Variants in USP25 observed in about 807,000 individuals in gnomAD.
USP25 encodes ubiquitin carboxyl-terminal hydrolase 25.
A neutral mutation model predicts 158.5 loss-of-function variants in USP25; 85 were observed. The observed-to-expected ratio is 0.54, with a 90% CI of 0.45 to 0.64. The LOEUF is 0.64. Among genes scored for constraint, USP25 ranks in the 30% least tolerant of loss-of-function variants. The probability of loss-of-function intolerance (pLI) is 0.00; values close to 1 mark genes in which losing one functional copy is unlikely to be tolerated. For missense variants in USP25, 1,242 were observed against 1,327.3 expected, an observed-to-expected ratio of 0.94 and a Z score of 1.00; for synonymous variants, 464 against 460.4, an observed-to-expected ratio of 1.01 and a Z score of -0.10.
chr21:15,775,866 T>G (rs780723034), intron 3 of USP25, among the ~76,000 whole-genome samples: 2 of 146,526 alleles, frequency 1.4e-5, no homozygotes, highest in African/African-American at 2.7e-5. Context: ...AGTTTTTCTG[T>G]TTTTTTTTAT....
intron 5 of USP25, among the ~76,000 whole-genome samples, chr21:15,794,118 G>T (rs1005036080): frequency 6.6e-6 from 1 of 151,530 alleles, no homozygotes; most frequent in Non-Finnish European, 1.5e-5. Context: ...TGAAACATCT[G>T]GGAATTCTTT....
intron 3 of USP25, among the ~76,000 whole-genome samples, chr21:15,772,573 C>T (rs895745349): frequency 6.6e-6 from 1 of 152,118 alleles, no homozygotes; most frequent in African/African-American, 2.4e-5. Context: ...TTTACAAAGG[C>T]TAATTTTCTG....
intron 24 of USP25, among the ~76,000 whole-genome samples, chr21:15,874,980 C>T (rs185861607): frequency 5.9e-5 from 9 of 152,218 alleles, no homozygotes; most frequent in Admixed American, 3.3e-4. Flanking sequence ...TCCTGGCCAA[C>T]GTGGTGAAAC....
At chr21:15,818,598 G>GT in intron 9 of USP25, 100 bp from the exon 10 acceptor site, 1 of 996,400 alleles carries the variant, frequency 1.0e-6, no homozygotes, top group Non-Finnish European at 1.5e-6. Context: ...AAATCAGTCA[G>GT]TGTTACAATT....
intron 20 of USP25, among the ~76,000 whole-genome samples, chr21:15,858,167 A>G (rs1196026077): frequency 6.6e-6 from 1 of 152,090 alleles, no homozygotes; most frequent in Non-Finnish European, 1.5e-5. Flanking sequence ...ATAAACAGGA[A>G]GTTTGGCAAG....
At chr21:15,866,937 C>T (rs1421112871) in intron 22 of USP25, among the ~76,000 whole-genome samples, 2 of 152,140 alleles carry the variant, frequency 1.3e-5, no homozygotes, top group Non-Finnish European at 2.9e-5. Context: ...CACTGTGCAA[C>T]TGTACCCTGT....
chr21:15,836,487 C>T (rs1444315941), intron 17 of USP25, among the ~76,000 whole-genome samples: 1 of 152,014 alleles, frequency 6.6e-6, no homozygotes, highest in Non-Finnish European at 1.5e-5. Flanking sequence ...AGATTTTCAG[C>T]CAGCCATTCT....
At chr21:15,750,181 C>CATGT (rs1196209119) in intron 1 of USP25, among the ~76,000 whole-genome samples, 15 of 126,942 alleles carry the variant, frequency 1.2e-4, no homozygotes, top group African/African-American at 4.5e-4. Context: ...TCTCCAGTGC[C>CATGT]GTGTGTGTGT....
intron 5 of USP25, among the ~76,000 whole-genome samples, chr21:15,796,190 A>G (rs1017001011): frequency 2.0e-5 from 3 of 151,538 alleles, no homozygotes; most frequent in African/African-American, 4.8e-5. Flanking sequence ...GAAGGAATAC[A>G]TTGGACAGTC....
chr21:15,857,690 A>G (rs2039222242), intron 20 of USP25, among the ~76,000 whole-genome samples: 1 of 152,014 alleles, frequency 6.6e-6, no homozygotes, highest in African/African-American at 2.4e-5. Context: ...TTTTAAATTT[A>G]TTTTTTGTGT....
chr21:15,782,196 G>A (rs2035004803), intron 4 of USP25, among the ~76,000 whole-genome samples: 2 of 152,178 alleles, frequency 1.3e-5, no homozygotes, highest in East Asian at 1.9e-4. Context: ...TCTGTCCCTG[G>A]CTCTAGCTGG....
At chr21:15,761,623 C>T (rs922363957) in intron 1 of USP25, among the ~76,000 whole-genome samples, 1 of 152,178 alleles carries the variant, frequency 6.6e-6, no homozygotes, top group Non-Finnish European at 1.5e-5. Flanking sequence ...TCAGTAAACA[C>T]ACTGTGCGTG....
chr21:15,798,119 T>C (rs2035951095), intron 5 of USP25, among the ~76,000 whole-genome samples: 1 of 151,308 alleles, frequency 6.6e-6, no homozygotes, highest in Non-Finnish European at 1.5e-5. Context: ...CTGTTCTTCC[T>C]CTACCACTCC....
At chr21:15,737,974 T>C (rs151313836) in intron 1 of USP25, among the ~76,000 whole-genome samples, 364 of 152,258 alleles carry the variant, frequency 2.4e-3, no homozygotes, top group African/African-American at 8.3e-3. Context: ...TCAGAAAATA[T>C]GGAGTTTTCA....
intron 21 of USP25, among the ~76,000 whole-genome samples, chr21:15,865,042 A>G (rs2039597799): frequency 6.6e-6 from 1 of 152,182 alleles, no homozygotes; most frequent in South Asian, 2.1e-4. Context: ...GGAAAGAGAA[A>G]ATATTCTATA....
At chr21:15,850,177 G>T (rs892402185) in intron 20 of USP25, among the ~76,000 whole-genome samples, 4 of 151,986 alleles carry the variant, frequency 2.6e-5, no homozygotes, top group African/African-American at 7.2e-5. Flanking sequence ...GGACATTAAT[G>T]AACAATAATA....
rs533169589 is a variant in USP25 at position 15,813,575 on chromosome 21, C to T, written c.931+2365C>T. 3.9e-5 allele frequency among the ~76,000 whole-genome samples: 6 copies of T among 152,288 alleles called. No homozygotes were observed. The East Asian group carries it at 1.2e-3, about 29-fold the overall frequency. On this transcript the variant is annotated intron_variant, in intron 9 of 25. Coordinates refer to ENST00000400183, the MANE Select transcript of USP25 (RefSeq NM_001283041.3). ...AGAATTCCCTCCCTTCATGCTTTTA[C>T]TCAGACCTTACTTCATTCGTTTTTT...
At position 15,824,146 on chromosome 21, in the gene USP25, C is replaced by T; in HGVS notation, c.1188C>T (p.Pro396=). 2 of 1,612,784 alleles carry T rather than the reference C, an allele frequency of 1.2e-6. No individual in the cohort carries two copies. Among genetic ancestry groups the T allele is most frequent in the South Asian group, 1.1e-5 (1 of 91,020 alleles). ...AAATTCACAACAAATTAGAATTTCC[C>T]CAAGTTTTATATTTGGACAGGTATG... ...PEKIHNKLEF[P]QVLYLDRYMH... Residue 396 remains proline, a synonymous_variant, in exon 11 of 26, where the codon CCC becomes CCT. Transcript: ENST00000400183.
At position 15,808,704 on chromosome 21, in the gene USP25, T is replaced by C. The variant is rs1388440002; in HGVS notation, c.781-105T>C. The C allele has an allele frequency of 5.9e-6, 4 of 683,076 alleles. No homozygotes were observed. The East Asian group carries it at 1.1e-4, about 20-fold the overall frequency. 42.3% of individuals were successfully genotyped at this position (683,076 alleles called of 1,614,324 possible). A position where few individuals can be genotyped will look rare whatever the true frequency, so the allele number is the denominator to read the frequency against. On this transcript the variant is annotated intron_variant, in intron 7 of 25. Transcript: ENST00000400183. Reference sequence around the variant, plus strand: ...TTTCACTTGTTATCTTTGTAAGGAGTTGGTAATTATATATTTCAACAACTG... The same window carrying C: ...TTTCACTTGTTATCTTTGTAAGGAGCTGGTAATTATATATTTCAACAACTG...
Sources: gnomAD v4.1 joint callset for allele counts (sites outside exome capture counted in the v4.1 genomes callset) on GRCh38, gnomAD v4.1.1 for gene constraint, MANE v1.5 for transcripts, NCBI Gene and HGNC (gene_info 2026-07-23, HGNC 2026-07-21) for gene names.